The following ATAD3B variants were observed in gnomAD, a reference collection of about 807,000 sequenced individuals.
The protein encoded by ATAD3B is ATPase family AAA domain-containing protein 3B.
A neutral mutation model predicts 70.2 loss-of-function variants in ATAD3B; 59 were observed. The ratio of observed to expected loss-of-function variants is 0.84; its 90% confidence interval spans 0.68 to 1.04. ATAD3B has a LOEUF of 1.04. ATAD3B is among the 50% of genes least tolerant of loss of function. The pLI is 0.00. For missense variants in ATAD3B, 961 were observed against 913.4 expected (o/e 1.05, Z -0.67); for synonymous variants, 423 against 388.6 (o/e 1.09, Z -1.04).
the ATAD3B span, chr1:1,509,300 C>G: frequency 1.2e-6 from 2 of 1,612,680 alleles, no homozygotes; most frequent in Non-Finnish European, 1.7e-6. Context: ...AGATGATGCG[C>G]TGGCTGAAGA....
intron 1 of ATAD3B, among the ~76,000 whole-genome samples, chr1:1,474,100 G>T (rs925873325): frequency 2.0e-5 from 3 of 152,056 alleles, no homozygotes; most frequent in African/African-American, 7.2e-5. Flanking sequence ...GCCCAGTCTG[G>T]CCTTGACCTC....
chr1:1,493,452 T>G (rs1353180196), intron 15 of ATAD3B, among the ~76,000 whole-genome samples: 1 of 151,806 alleles, frequency 6.6e-6, no homozygotes, highest in Admixed American at 6.6e-5. Flanking sequence ...TTCTTTTCTT[T>G]TGGTGGGGGG....
intron 13 of ATAD3B, 199 bp downstream of exon 13, chr1:1,489,473 G>C (rs1046248059): frequency 9.1e-7 from 1 of 1,102,412 alleles, no homozygotes; most frequent in South Asian, 1.6e-5. Flanking sequence ...CTCCCGGGCA[G>C]AGCTGGGGTC....
the ATAD3B span, among the ~76,000 whole-genome samples, chr1:1,508,633 G>C: frequency 1.3e-5 from 2 of 151,446 alleles, no homozygotes; most frequent in Non-Finnish European, 2.9e-5. Context: ...TGGCAGAAAG[G>C]CTGGACCTGA....
At chr1:1,477,003 C>T (rs752194589) in intron 1 of ATAD3B, among the ~76,000 whole-genome samples, 7 of 151,874 alleles carry the variant, frequency 4.6e-5, no homozygotes, top group Non-Finnish European at 8.8e-5. Flanking sequence ...GACAGGATTT[C>T]GCCATGTTGG....
Position 1,490,648 on chromosome 1 carries a change from G to T in ATAD3B, c.1591G>T (p.Ala531Ser). 1.3e-6 allele frequency: 2 copies of T among 1,599,374 alleles called. No individual in the cohort carries two copies. The highest frequency in any genetic ancestry group is 1.7e-6 in the Non-Finnish European group (2 of 1,174,172). Residue 531 changes from alanine to serine, a missense_variant, in exon 15 of 16, where the codon GCT (alanine) becomes TCT (serine). Ala to Ser is a moderately conservative substitution (Grantham distance 99). This residue lies in a region of ATAD3B where 417 missense variants were observed against 335.0 expected (regional missense o/e 1.24). Transcript: ENST00000673477. ...LTEGMSGREI[A>S]QLAVSWQATA... ...GGAGGGCATGTCGGGCCGGGAGATC[G>T]CTCAGCTGGCCGTGTCCTGGCAGGT... is the stretch of plus-strand genomic sequence containing the variant.
intron 10 of ATAD3B, 134 bp downstream of exon 10, chr1:1,486,369 G>A: frequency 6.3e-6 from 10 of 1,577,248 alleles, no homozygotes; most frequent in Non-Finnish European, 8.6e-6. Context: ...GGCTCAGGGT[G>A]CTGGTGTGGG....
chr1:1,485,767 C>G lies in ATAD3B; in HGVS notation c.907-15C>G, dbSNP rs758456317. 4 of 1,612,748 alleles carry G rather than the reference C, an allele frequency of 2.5e-6. 1 individual carries two copies. Among genetic ancestry groups the G allele is most frequent in the Admixed American group, 1.7e-5 (1 of 59,934 alleles). Reference sequence around the variant, plus strand: ...GGCAGGTGACCCAATGGTGCTTCCCCTTCCCCTCCGGCAGGTCAGCCGGCG... The same window carrying G: ...GGCAGGTGACCCAATGGTGCTTCCCGTTCCCCTCCGGCAGGTCAGCCGGCG... On this transcript the variant is annotated splice_polypyrimidine_tract_variant and intron_variant, in intron 8 of 15. Coordinates refer to ENST00000673477, the MANE Select transcript of ATAD3B (RefSeq NM_031921.6).
chr1:1,489,559 T>C, intron 13 of ATAD3B: 1 of 1,031,526 alleles, frequency 9.7e-7, no homozygotes, highest in Non-Finnish European at 1.4e-6. Flanking sequence ...TGCGGTCCTG[T>C]GCCTGCAAGG....
the ATAD3B span, among the ~76,000 whole-genome samples, chr1:1,505,725 G>C: frequency 6.6e-6 from 1 of 152,154 alleles, no homozygotes; most frequent in Non-Finnish European, 1.5e-5. Context: ...TGTCCCTTCA[G>C]CTCCTATCTC....
At chr1:1,483,014 C>G (rs1640005367) in intron 7 of ATAD3B, 1 of 458,578 alleles carries the variant, frequency 2.2e-6, no homozygotes, top group Non-Finnish European at 4.3e-6. Flanking sequence ...AAAAAAATGG[C>G]CAGGCGGTAG....
chr1:1,500,691 T>A (rs140589642), downstream of ATAD3B, among the ~76,000 whole-genome samples: 2 of 150,472 alleles, frequency 1.3e-5, no homozygotes, highest in African/African-American at 4.9e-5. Flanking sequence ...CAGTGGCTCA[T>A]GCCTGTAATC....
chr1:1,481,854 G>A (rs1639919896), intron 5 of ATAD3B, among the ~76,000 whole-genome samples: 1 of 152,190 alleles, frequency 6.6e-6, no homozygotes. Flanking sequence ...CCTGTCCATG[G>A]ACTGGGCTTG....
intron 1 of ATAD3B, among the ~76,000 whole-genome samples, chr1:1,473,974 A>G (rs994512049): frequency 1.3e-5 from 2 of 152,082 alleles, no homozygotes; most frequent in Non-Finnish European, 2.9e-5. Flanking sequence ...GCTGGGTCTC[A>G]TAACCCCAGA....
rs755023603 is a variant in ATAD3B at position 1,486,504 on chromosome 1, G to T, written c.1090-40G>T. The T allele has an allele frequency of 1.2e-5, 19 of 1,611,828 alleles. No individual in the cohort carries two copies. The East Asian group carries it at 1.3e-4, about 11-fold the overall frequency. On this transcript the variant is annotated intron_variant, in intron 10 of 15. Coordinates refer to ENST00000673477, the MANE Select transcript of ATAD3B (RefSeq NM_031921.6). Reference sequence around the variant, plus strand: ...AGTGTGCAGGCTTTGCAGAGGCAGAGGGAACATCTGTTCTGTCTCCCCTCA... The same window carrying T: ...AGTGTGCAGGCTTTGCAGAGGCAGATGGAACATCTGTTCTGTCTCCCCTCA...
chr1:1,492,623 C>T (rs967379655), intron 15 of ATAD3B, among the ~76,000 whole-genome samples: 1 of 151,088 alleles, frequency 6.6e-6, no homozygotes, highest in African/African-American at 2.4e-5. Flanking sequence ...GCCGAGACCC[C>T]ACCTCTACTA....
chr1:1,489,132 G>T, intron 12 of ATAD3B, 72 bp from the exon 13 acceptor site: 1 of 1,607,868 alleles, frequency 6.2e-7, no homozygotes, highest in Non-Finnish European at 8.5e-7. Context: ...AGGGAGGCCT[G>T]TGGGACTTTC....
rs571038438 is a variant in ATAD3B at position 1,479,219 on chromosome 1, G to A, written c.444+111G>A. ...GGGCAAGAACGATGGGGTTGCTGAC[G>A]GTGGGTGCTAGAGCAGGGGAAACTA... On this transcript the variant is annotated intron_variant, in intron 4 of 15. Coordinates refer to ENST00000673477, the MANE Select transcript of ATAD3B (RefSeq NM_031921.6). 2.9e-4 allele frequency: 394 copies of A among 1,352,380 alleles called. 18 individuals carry two copies. The African/African-American group carries it at 5.9e-3, about 20-fold the overall frequency. The allele number at this position is 1,352,380 out of a possible 1,614,324, so 83.8% of individuals were successfully genotyped here.
chr1:1,490,058 G>A (rs1481493761), intron 13 of ATAD3B, 199 bp from the exon 14 acceptor site: 15 of 1,410,232 alleles, frequency 1.1e-5, no homozygotes, highest in Middle Eastern at 2.6e-4. Context: ...GAAGCCGGGC[G>A]GGGGGCAGCT....
Sources: allele counts gnomAD v4.1 joint callset (sites outside exome capture counted in the v4.1 genomes callset), GRCh38; gene constraint gnomAD v4.1.1; regional missense constraint gnomAD v4.1.1; transcripts MANE v1.5; gene names NCBI Gene and HGNC (gene_info 2026-07-23, HGNC 2026-07-21).